Variants in HERC3 observed in about 807,000 individuals in gnomAD.
The protein encoded by HERC3 is probable E3 ubiquitin-protein ligase HERC3.
A neutral mutation model predicts 129.9 loss-of-function variants in HERC3; 58 were observed. The observed-to-expected ratio is 0.45, with a 90% CI of 0.36 to 0.56. HERC3 has a LOEUF of 0.56. HERC3 is among the 20% of genes least tolerant of loss of function. The probability of loss-of-function intolerance (pLI) is 0.00; values close to 1 mark genes in which losing one functional copy is unlikely to be tolerated. For missense variants in HERC3, 835 were observed against 1,244.2 expected (o/e 0.67, Z 4.95); for synonymous variants, 430 against 451.0 (o/e 0.95, Z 0.59).
rs773092246 is a variant in HERC3 at position 88,697,694 on chromosome 4, C to T, written c.2658-6404C>T. 5.5e-5 allele frequency: 89 copies of T among 1,612,018 alleles called. 2 individuals are homozygous for T. The Admixed American group carries it at 1.5e-3, about 27-fold the overall frequency. Reference sequence around the variant, plus strand: ...TCCGCCATTACCTCCTCTGCCGCTGCCTCCGCCGCTGCCGCCGCCTGGCTA... The same window carrying T: ...TCCGCCATTACCTCCTCTGCCGCTGTCTCCGCCGCTGCCGCCGCCTGGCTA... On this transcript the variant is annotated intron_variant, in intron 23 of 25. Transcript: ENST00000402738.
chr4:88,548,683 T>A, the HERC3 span, among the ~76,000 whole-genome samples: 49 of 151,142 alleles, frequency 3.2e-4, no homozygotes, highest in African/African-American at 9.5e-4. Context: ...TTTTTTGAGA[T>A]GGAGTCTCAC....
chr4:88,570,810 T>C, the HERC3 span, among the ~76,000 whole-genome samples: 4 of 152,050 alleles, frequency 2.6e-5, no homozygotes, highest in Non-Finnish European at 4.4e-5. Context: ...TCTCACTCTG[T>C]CACCCAGGCT....
chr4:88,621,477 A>G (rs997876854), intron 3 of HERC3, among the ~76,000 whole-genome samples: 1 of 152,208 alleles, frequency 6.6e-6, no homozygotes, highest in African/African-American at 2.4e-5. Flanking sequence ...GGAGTATAGA[A>G]TCTTTTTTGT....
At chr4:88,592,157 G>C (rs1324138838), upstream of HERC3, among the ~76,000 whole-genome samples, 1 of 152,220 alleles carries the variant, frequency 6.6e-6, no homozygotes, top group Non-Finnish European at 1.5e-5. Flanking sequence ...ACCGCTGATC[G>C]GTCCAGCTCG....
intron 25 of HERC3, 142 bp downstream of exon 25, chr4:88,704,752 A>T: frequency 1.6e-6 from 1 of 616,866 alleles, no homozygotes. Context: ...TTTTTGTCTT[A>T]ATGTTATCTC....
chr4:88,642,080 G>A (rs1341231100), intron 3 of HERC3, among the ~76,000 whole-genome samples: 3 of 140,070 alleles, frequency 2.1e-5, no homozygotes, highest in Non-Finnish European at 1.5e-5. Flanking sequence ...GCAGTGAGCC[G>A]AGATCACACC....
intron 3 of HERC3, among the ~76,000 whole-genome samples, chr4:88,630,603 A>G (rs1726639380): frequency 6.6e-6 from 1 of 152,250 alleles, no homozygotes; most frequent in African/African-American, 2.4e-5. Flanking sequence ...AGCATTCATG[A>G]TAGCATGTGA....
intron 3 of HERC3, among the ~76,000 whole-genome samples, chr4:88,642,572 G>A (rs755715624): frequency 5.3e-5 from 8 of 152,172 alleles, no homozygotes; most frequent in Admixed American, 6.5e-5. Context: ...CAAGGCCAAG[G>A]TGCCAACAGA....
chr4:88,636,924 T>A (rs1401303382), intron 3 of HERC3, among the ~76,000 whole-genome samples: 18 of 151,680 alleles, frequency 1.2e-4, no homozygotes, highest in Non-Finnish European at 1.5e-5. Context: ...TTGCCTGAGC[T>A]CAGGAGTTCA....
At chr4:88,532,812 A>T in the HERC3 span, among the ~76,000 whole-genome samples, 2 of 152,172 alleles carry the variant, frequency 1.3e-5, no homozygotes, top group South Asian at 2.1e-4. Flanking sequence ...AATGTGGGGA[A>T]TTTTCTTTTT....
intron 3 of HERC3, among the ~76,000 whole-genome samples, chr4:88,619,700 A>G (rs1725306741): frequency 6.6e-6 from 1 of 152,236 alleles, no homozygotes; most frequent in Admixed American, 6.5e-5. Context: ...AATAACTGCC[A>G]GACGTTGCCA....
intron 25 of HERC3, among the ~76,000 whole-genome samples, chr4:88,705,086 T>TG (rs1735668414): frequency 6.6e-6 from 1 of 152,086 alleles, no homozygotes; most frequent in Non-Finnish European, 1.5e-5. Flanking sequence ...GTCCTCGTCT[T>TG]GAACTCCTGA....
At chr4:88,587,372 T>A in the HERC3 span, among the ~76,000 whole-genome samples, 1 of 152,208 alleles carries the variant, frequency 6.6e-6, no homozygotes, top group African/African-American at 2.4e-5. Context: ...TTGCTTTTGC[T>A]TGGATTGGGA....
the HERC3 span, among the ~76,000 whole-genome samples, chr4:88,544,446 T>C: frequency 6.6e-6 from 1 of 152,158 alleles, no homozygotes; most frequent in Non-Finnish European, 1.5e-5. Context: ...TGTGGAGAAA[T>C]AGGAACACTT....
chr4:88,618,239 A>C (rs1725135663), intron 3 of HERC3, among the ~76,000 whole-genome samples: 1 of 152,248 alleles, frequency 6.6e-6, no homozygotes, highest in African/African-American at 2.4e-5. Context: ...AGTTTATTGC[A>C]ATGTCTTTAT....
chr4:88,548,658 T>A, the HERC3 span, among the ~76,000 whole-genome samples: 1 of 151,726 alleles, frequency 6.6e-6, no homozygotes, highest in Non-Finnish European at 1.5e-5. Flanking sequence ...CTGTGGGTCA[T>A]CTTTTCTTTT....
the HERC3 span, among the ~76,000 whole-genome samples, chr4:88,584,528 C>G: frequency 6.6e-6 from 1 of 152,136 alleles, no homozygotes; most frequent in Admixed American, 6.5e-5. Context: ...GCCATTGTAA[C>G]AGTATTAAGA....
intron 3 of HERC3, among the ~76,000 whole-genome samples, chr4:88,628,006 A>T (rs1726318532): frequency 6.6e-6 from 1 of 152,226 alleles, no homozygotes; most frequent in South Asian, 2.1e-4. Flanking sequence ...ACGATCAAAA[A>T]GAATGTGCAT....
chr4:88,533,138 A>C, the HERC3 span, among the ~76,000 whole-genome samples: 3 of 152,242 alleles, frequency 2.0e-5, no homozygotes, highest in Non-Finnish European at 4.4e-5. Flanking sequence ...AAGAGTCCAA[A>C]AGCTGAAGAA....
Sources: gnomAD v4.1 joint callset for allele counts (sites outside exome capture counted in the v4.1 genomes callset) on GRCh38, gnomAD v4.1.1 for gene constraint, MANE v1.5 for transcripts, NCBI Gene and HGNC (gene_info 2026-07-23, HGNC 2026-07-21) for gene names.